The following TSNARE1 variants were observed in gnomAD, a reference collection of about 807,000 sequenced individuals.
TSNARE1 encodes the protein t-SNARE domain containing 1.
In TSNARE1, 49 loss-of-function variants were observed where a neutral mutation model predicts 62.0. The observed-to-expected ratio is 0.79, with a 90% CI of 0.63 to 1.00. The LOEUF (loss-of-function observed/expected upper bound fraction) is 1.00, where lower values mean the gene tolerates loss of function less well. TSNARE1 is among the 50% of genes least tolerant of loss of function. TSNARE1 has a pLI of 0.00. For synonymous variants in TSNARE1, 328 were observed against 294.4 expected, an observed-to-expected ratio of 1.11 and a Z score of -1.17; for missense variants, 755 against 700.1, an observed-to-expected ratio of 1.08 and a Z score of -0.88.
chr8:142,276,483 C>A (rs1416537248), intron 11 of TSNARE1: 3 of 985,364 alleles, frequency 3.0e-6, no homozygotes, highest in Middle Eastern at 5.2e-4. Context: ...GCAGTGGTAA[C>A]AGCCTGGCCT....
chr8:142,368,284 CACAA>C (rs2130986505), intron 1 of TSNARE1, among the ~76,000 whole-genome samples: 1 of 152,230 alleles, frequency 6.6e-6, no homozygotes, highest in East Asian at 1.9e-4. Flanking sequence ...AGGCAAAAGA[CACAA>C]ACAGAAAATT....
intron 2 of TSNARE1, among the ~76,000 whole-genome samples, chr8:142,350,829 G>T (rs1285534988): frequency 6.6e-6 from 1 of 152,220 alleles, no homozygotes; most frequent in Non-Finnish European, 1.5e-5. Flanking sequence ...TAAACTTGGA[G>T]GGAAATAAAG....
At chr8:142,378,234 C>T (rs1836484333) in intron 1 of TSNARE1, among the ~76,000 whole-genome samples, 1 of 152,208 alleles carries the variant, frequency 6.6e-6, no homozygotes, top group Non-Finnish European at 1.5e-5. Context: ...GGAGAAGGCG[C>T]GGACGCCACA....
At chr8:142,237,995 C>G (rs1195963360) in intron 12 of TSNARE1, among the ~76,000 whole-genome samples, 2 of 152,122 alleles carry the variant, frequency 1.3e-5, no homozygotes, top group Admixed American at 1.3e-4. Flanking sequence ...ACGCCACCCG[C>G]CCAGGTCTCC....
chr8:142,294,087 G>C (rs1824266535), intron 10 of TSNARE1, among the ~76,000 whole-genome samples: 1 of 152,118 alleles, frequency 6.6e-6, no homozygotes, highest in Admixed American at 6.5e-5. Flanking sequence ...GGGAGGGGAG[G>C]AAAGAGCAAA....
intron 11 of TSNARE1, among the ~76,000 whole-genome samples, chr8:142,283,732 C>T (rs868140983): frequency 9.0e-6 from 1 of 110,662 alleles, no homozygotes; most frequent in Non-Finnish European, 2.2e-5. Flanking sequence ...TGAGCAGAGG[C>T]GGGGTTAGTG....
intron 9 of TSNARE1, among the ~76,000 whole-genome samples, chr8:142,306,742 T>C (rs1420511867): frequency 6.6e-6 from 1 of 152,226 alleles, no homozygotes; most frequent in African/African-American, 2.4e-5. Context: ...CATTTATAGT[T>C]TGCAAATTCC....
chr8:142,382,580 C>T (rs369441157), intron 1 of TSNARE1, among the ~76,000 whole-genome samples: 24 of 152,280 alleles, frequency 1.6e-4, no homozygotes, highest in African/African-American at 5.3e-4. Flanking sequence ...CAGGCAGGGA[C>T]CTCCTGGCAG....
intron 1 of TSNARE1, among the ~76,000 whole-genome samples, chr8:142,359,801 G>A (rs546800287): frequency 1.5e-4 from 23 of 152,342 alleles, no homozygotes; most frequent in Middle Eastern, 3.4e-3. Flanking sequence ...TCAGCCAGCC[G>A]TCAGTGCAGG....
intron 6 of TSNARE1, among the ~76,000 whole-genome samples, chr8:142,326,379 A>C (rs867492255): frequency 2.0e-5 from 2 of 98,784 alleles, no homozygotes; most frequent in Admixed American, 9.2e-5. Context: ...CCCAGAGAGC[A>C]CGAGACGGAT....
intron 12 of TSNARE1, among the ~76,000 whole-genome samples, chr8:142,254,664 A>C (rs1408721037): frequency 1.3e-5 from 2 of 152,050 alleles, no homozygotes; most frequent in Non-Finnish European, 2.9e-5. Context: ...CATATGGGGA[A>C]GGCGGGGCAT....
intron 6 of TSNARE1, among the ~76,000 whole-genome samples, chr8:142,329,295 C>T (rs959274642): frequency 1.3e-5 from 2 of 152,120 alleles, no homozygotes; most frequent in African/African-American, 4.8e-5. Flanking sequence ...GCCAAGGTGC[C>T]GGGATACTCG....
chr8:142,312,557 CT>C (rs1219856747), intron 9 of TSNARE1, among the ~76,000 whole-genome samples: 1 of 152,158 alleles, frequency 6.6e-6, no homozygotes, highest in Non-Finnish European at 1.5e-5. Flanking sequence ...GTCCCTCCTC[CT>C]GGGTGGGCCT....
intron 10 of TSNARE1, among the ~76,000 whole-genome samples, chr8:142,292,805 CCAAA>C (rs994881002): frequency 6.6e-6 from 1 of 152,116 alleles, no homozygotes; most frequent in Non-Finnish European, 1.5e-5. Flanking sequence ...TTTCAGAGCC[CCAAA>C]CAGTTCCCAG....
chr8:142,261,661 C>T (rs956021381), intron 12 of TSNARE1, among the ~76,000 whole-genome samples: 7 of 152,056 alleles, frequency 4.6e-5, no homozygotes, highest in African/African-American at 1.7e-4. Flanking sequence ...CTGGCCACGG[C>T]CCCGGGGTGG....
chr8:142,244,324 A>G (rs1001979049), intron 12 of TSNARE1, among the ~76,000 whole-genome samples: 11 of 152,256 alleles, frequency 7.2e-5, no homozygotes, highest in African/African-American at 2.7e-4. Context: ...ACATTTCTAT[A>G]TATCAGCCAC....
At chr8:142,349,906 G>T (rs1173376290) in intron 2 of TSNARE1, among the ~76,000 whole-genome samples, 3 of 150,282 alleles carry the variant, frequency 2.0e-5, no homozygotes, top group African/African-American at 7.4e-5. Flanking sequence ...GACAGGGCAG[G>T]GACCAAGCAG....
At chr8:142,395,539 G>A (rs758855180) in intron 1 of TSNARE1, among the ~76,000 whole-genome samples, 25 of 152,242 alleles carry the variant, frequency 1.6e-4, no homozygotes, top group Non-Finnish European at 3.2e-4. Context: ...CCAAGTGACA[G>A]TGAGGCTGGA....
At chr8:142,363,381 CA>C (rs756481958) in intron 1 of TSNARE1, among the ~76,000 whole-genome samples, 1 of 152,090 alleles carries the variant, frequency 6.6e-6, no homozygotes, top group African/African-American at 2.4e-5. Flanking sequence ...CAGTGGGAAC[CA>C]GGGGGAGAGG....
Sources: allele counts gnomAD v4.1 joint callset (sites outside exome capture counted in the v4.1 genomes callset), GRCh38; gene constraint gnomAD v4.1.1; transcripts MANE v1.5; gene names NCBI Gene and HGNC (gene_info 2026-07-23, HGNC 2026-07-21).